The following ADAM12 variants were observed in gnomAD, a reference collection of about 807,000 sequenced individuals.
The protein encoded by ADAM12 is disintegrin and metalloproteinase domain-containing protein 12.
ADAM12 carries 70 observed loss-of-function variants against 106.4 expected under a neutral mutation model. The ratio of observed to expected loss-of-function variants is 0.66; its 90% CI spans 0.54 to 0.80. The LOEUF is 0.80. Ranked by LOEUF, ADAM12 falls within the 30% of genes least tolerant of loss-of-function variation. ADAM12 has a pLI of 0.00. For synonymous variants in ADAM12, 420 were observed against 433.5 expected, an observed-to-expected ratio of 0.97 and a Z score of 0.39; for missense variants, 1,010 against 1,171.9, an observed-to-expected ratio of 0.86 and a Z score of 2.02.
At chr10:126,095,802 C>T (rs1348299829) in intron 10 of ADAM12, among the ~76,000 whole-genome samples, 17 of 152,108 alleles carry the variant, frequency 1.1e-4, no homozygotes, top group Admixed American at 1.0e-3. Flanking sequence ...ACTTCTCAGC[C>T]TCTGTAACTG....
At chr10:126,285,164 A>C (rs1260101545) in intron 2 of ADAM12, among the ~76,000 whole-genome samples, 1 of 152,204 alleles carries the variant, frequency 6.6e-6, no homozygotes, top group Non-Finnish European at 1.5e-5. Context: ...AGAGGAAAGG[A>C]CCACTTCCTA....
At chr10:126,359,742 G>C in intron 1 of ADAM12, among the ~76,000 whole-genome samples, 1 of 152,188 alleles carries the variant, frequency 6.6e-6, no homozygotes, top group East Asian at 1.9e-4. Flanking sequence ...AGCTGTCAGT[G>C]GATCTACCAT....
At chr10:126,243,832 T>A (rs1958577976) in intron 3 of ADAM12, among the ~76,000 whole-genome samples, 1 of 152,176 alleles carries the variant, frequency 6.6e-6, no homozygotes, top group Admixed American at 6.5e-5. Flanking sequence ...TAGGAGGGCT[T>A]CTGATTGTCG....
intron 2 of ADAM12, among the ~76,000 whole-genome samples, chr10:126,281,550 C>T (rs1471863819): frequency 2.0e-5 from 3 of 152,122 alleles, no homozygotes; most frequent in Non-Finnish European, 4.4e-5. Context: ...TCTTTATGTA[C>T]ATTAGTTGAG....
rs143241464 is a variant in ADAM12, at chr10:126,144,316, T to C, written c.340-8656A>G. On this transcript the variant is annotated intron_variant, in intron 4 of 22. Transcript: ENST00000448723. ...GGACGGGCACTTAGTTGTCCAGAGT[T>C]TTGTGGATCAAATAAACATGACATG... Among the ~76,000 whole-genome samples, 225 of 152,322 alleles carry C rather than the reference T, an allele frequency of 1.5e-3. 1 individual carries two copies. The East Asian group carries it at 0.037, about 25-fold the overall frequency.
At chr10:126,384,583 T>G (rs932182105) in intron 1 of ADAM12, among the ~76,000 whole-genome samples, 21 of 151,774 alleles carry the variant, frequency 1.4e-4, no homozygotes, top group Non-Finnish European at 2.9e-4. Flanking sequence ...CTAGGAAAGA[T>G]GACATCAGGA....
At chr10:126,302,550 T>C (rs1053240908) in intron 2 of ADAM12, among the ~76,000 whole-genome samples, 3 of 152,158 alleles carry the variant, frequency 2.0e-5, no homozygotes, top group African/African-American at 7.2e-5. Context: ...CTTAGGATAA[T>C]GAGCAGGGGT....
intron 11 of ADAM12, among the ~76,000 whole-genome samples, chr10:126,083,464 A>G (rs895005148): frequency 6.6e-6 from 1 of 152,188 alleles, no homozygotes; most frequent in African/African-American, 2.4e-5. Context: ...AGTAGTATCC[A>G]TGGGTTGGGA....
intron 1 of ADAM12, among the ~76,000 whole-genome samples, chr10:126,380,640 T>G (rs1856456524): frequency 6.6e-6 from 1 of 152,224 alleles, no homozygotes; most frequent in South Asian, 2.1e-4. Context: ...ATGACAATTT[T>G]AGGTTTAAAA....
Position 126,039,211 on chromosome 10 carries a change from T to G in ADAM12, c.2240+83A>C, listed in dbSNP as rs2133405500. 6 of 1,525,826 alleles carry G rather than the reference T, an allele frequency of 3.9e-6. No individual in the cohort carries two copies. The East Asian group carries it at 1.4e-4, about 36-fold the overall frequency. 94.5% of individuals were successfully genotyped at this position (1,525,826 alleles called of 1,614,324 possible). On this transcript the variant is annotated intron_variant, in intron 19 of 22. Transcript: ENST00000448723. The stretch of plus-strand genomic sequence containing the variant: ...ATCCGCCCGCCTCAGCCTCCCAAAG[T>G]GCTGGGATTACAGGCTTGAGCCACC...
intron 2 of ADAM12, among the ~76,000 whole-genome samples, chr10:126,310,810 T>C (rs936783558): frequency 6.6e-6 from 1 of 152,128 alleles, no homozygotes; most frequent in Non-Finnish European, 1.5e-5. Context: ...TACAGGGAAA[T>C]TATTAACATA....
intron 4 of ADAM12, among the ~76,000 whole-genome samples, chr10:126,145,243 T>C (rs1304642388): frequency 6.6e-6 from 1 of 152,154 alleles, no homozygotes; most frequent in African/African-American, 2.4e-5. Context: ...ATGCACTTAG[T>C]GAATCCCCAG....
At chr10:126,041,995 C>A in intron 18 of ADAM12, 1 of 1,438,500 alleles carries the variant, frequency 7.0e-7, no homozygotes, top group South Asian at 1.5e-5. Flanking sequence ...TCCTGAGCCC[C>A]GAGAACTGTG....
intron 1 of ADAM12, among the ~76,000 whole-genome samples, chr10:126,372,269 T>TGA (rs1856136236): frequency 6.6e-6 from 1 of 152,204 alleles, no homozygotes; most frequent in Non-Finnish European, 1.5e-5. Context: ...TGAATGAACA[T>TGA]ATGAACAGTG....
At chr10:126,387,624 G>A (rs1026043012) in intron 1 of ADAM12, among the ~76,000 whole-genome samples, 1 of 150,852 alleles carries the variant, frequency 6.6e-6, no homozygotes, top group African/African-American at 2.5e-5. Flanking sequence ...TGTTAGCGGG[G>A]GAGGCGGGGC....
rs138625341 is a variant in ADAM12, at chr10:126,129,783, G to A, written c.416+5801C>T. On this transcript the variant is annotated intron_variant, in intron 5 of 22. Coordinates refer to ENST00000448723, the MANE Select transcript of ADAM12 (RefSeq NM_001288973.2). ...ACTCCATGGCTGAACTCCTTTTTAC[G>A]ACCCATTTTCCATGTTGTACTTCAT... 9.6e-4 allele frequency among the ~76,000 whole-genome samples: 146 copies of A among 152,178 alleles called. 3 individuals are homozygous for A. In the East Asian group the frequency reaches 0.02, roughly 21 times the overall value.
intron 1 of ADAM12, among the ~76,000 whole-genome samples, chr10:126,363,477 AGTCCCTTGT>A (rs1855806160): frequency 6.6e-6 from 1 of 152,186 alleles, no homozygotes; most frequent in South Asian, 2.1e-4. Context: ...AGCCCCAAGG[AGTCCCTTGT>A]CTGGGGGTGG....
At chr10:126,105,859 G>A (rs1955757062) in intron 8 of ADAM12, among the ~76,000 whole-genome samples, 1 of 152,220 alleles carries the variant, frequency 6.6e-6, no homozygotes, top group African/African-American at 2.4e-5. Flanking sequence ...AGTAACTACT[G>A]AAAACACATC....
At chr10:126,142,345 A>T (rs1435664668) in intron 4 of ADAM12, among the ~76,000 whole-genome samples, 1 of 152,212 alleles carries the variant, frequency 6.6e-6, no homozygotes, top group African/African-American at 2.4e-5. Flanking sequence ...GTTTCTATAG[A>T]TTGTAGATTA....
Sources: allele counts gnomAD v4.1 joint callset (sites outside exome capture counted in the v4.1 genomes callset), GRCh38; gene constraint gnomAD v4.1.1; transcripts MANE v1.5; gene names NCBI Gene and HGNC (gene_info 2026-07-23, HGNC 2026-07-21).